Variants in KDM4A observed in about 807,000 individuals in gnomAD.
The protein encoded by KDM4A is lysine-specific demethylase 4A.
A neutral mutation model predicts 127.1 loss-of-function variants in KDM4A; 23 were observed. The ratio of observed to expected loss-of-function variants is 0.18; its 90% CI spans 0.13 to 0.26. KDM4A has a LOEUF of 0.26. KDM4A is among the 10% of genes least tolerant of loss of function. KDM4A has a pLI of 1.00. For synonymous variants in KDM4A, 443 were observed against 466.5 expected, an observed-to-expected ratio of 0.95 and a Z score of 0.65; for missense variants, 890 against 1,329.1, an observed-to-expected ratio of 0.67 and a Z score of 5.14.
intron 18 of KDM4A, among the ~76,000 whole-genome samples, 180 bp downstream of exon 18, chr1:43,695,074 A>G (rs1029551517): frequency 9.2e-5 from 14 of 152,248 alleles, no homozygotes; most frequent in African/African-American, 3.4e-4. Flanking sequence ...CTTGTACTCC[A>G]TAAGCCAGTG....
intron 10 of KDM4A, among the ~76,000 whole-genome samples, 184 bp downstream of exon 10, chr1:43,669,483 A>G (rs1570833299): frequency 2.0e-5 from 3 of 152,068 alleles, no homozygotes; most frequent in African/African-American, 7.2e-5. Context: ...ACACGTAGGG[A>G]AAAGCTCCTC....
At chr1:43,654,470 T>C (rs1450798738) in intron 2 of KDM4A, among the ~76,000 whole-genome samples, 1 of 152,068 alleles carries the variant, frequency 6.6e-6, no homozygotes, top group Non-Finnish European at 1.5e-5. Flanking sequence ...TTTTTTTTTT[T>C]CTTTTTTCCT....
chr1:43,662,076 A>AT (rs1205094189), intron 4 of KDM4A, among the ~76,000 whole-genome samples: 1 of 151,630 alleles, frequency 6.6e-6, no homozygotes, highest in East Asian at 1.9e-4. Flanking sequence ...TTAATTTGTA[A>AT]TTTTTTTGTA....
At chr1:43,685,188 C>A (rs1245535013) in intron 12 of KDM4A, among the ~76,000 whole-genome samples, 2 of 152,100 alleles carry the variant, frequency 1.3e-5, no homozygotes, top group African/African-American at 4.8e-5. Context: ...GCAGGGTAAG[C>A]AGCCATGTGT....
At chr1:43,690,504 TC>T (rs1661083492) in intron 13 of KDM4A, 2 of 361,752 alleles carry the variant, frequency 5.5e-6, no homozygotes, top group South Asian at 4.9e-5. Flanking sequence ...CGCCTCGGCC[TC>T]CCGAAGTGCT....
chr1:43,684,333 C>T (rs1271882663), intron 12 of KDM4A, among the ~76,000 whole-genome samples: 1 of 152,140 alleles, frequency 6.6e-6, no homozygotes, highest in African/African-American at 2.4e-5. Context: ...GAAACCCCAT[C>T]TCTACTAAAA....
Position 43,697,477 on chromosome 1 carries a change from C to G in KDM4A, c.2671-366C>G, listed in dbSNP as rs138948242. 1.3e-4 allele frequency among the ~76,000 whole-genome samples: 20 copies of G among 152,206 alleles called. 1 individual carries two copies. Among genetic ancestry groups the G allele is most frequent in the African/African-American group, 4.8e-4 (20 of 41,458 alleles). ...CAGCTTTGCCTGGCGGCCCAGGCCT[C>G]AGGGCACCTATTGAGTCTCTCCTTC... is the stretch of plus-strand genomic sequence containing the variant. On this transcript the variant is annotated intron_variant, in intron 18 of 21. Transcript: ENST00000372396.
At chr1:43,689,157 A>G in intron 13 of KDM4A, 62 bp downstream of exon 13, 2 of 1,534,806 alleles carry the variant, frequency 1.3e-6, no homozygotes, top group Non-Finnish European at 1.8e-6. Context: ...GCTAGATTTA[A>G]TTGTGAGTAT....
rs1182395271 is a variant in KDM4A, at chr1:43,655,765, A to G, written c.313A>G (p.Lys105Glu). Reference protein sequence around the residue: ...REFRKIANSDKYCTPRYSEFE... With the variant: ...REFRKIANSDEYCTPRYSEFE... Reference sequence around the variant, plus strand: ...GTTCCGCAAGATAGCCAATAGCGATAAGTGAGTGGAAACCCTTTCTTACCT... The same window carrying G: ...GTTCCGCAAGATAGCCAATAGCGATGAGTGAGTGGAAACCCTTTCTTACCT... Residue 105 changes from lysine to glutamate, a missense_variant and splice_region_variant, in exon 3 of 22, where the codon AAG (lysine) becomes GAG (glutamate). Lys to Glu is a moderately conservative substitution (Grantham distance 56). Coordinates refer to ENST00000372396, the MANE Select transcript of KDM4A (RefSeq NM_014663.3). The G allele has an allele frequency of 6.2e-7, 1 of 1,606,318 alleles. No individual in the cohort carries two copies. The highest frequency in any genetic ancestry group is 1.1e-5 in the South Asian group (1 of 90,008).
In KDM4A at chr1:43,667,078, A is replaced by G. The variant is rs759547621; in HGVS notation, c.902A>G (p.Lys301Arg). The change falls in exon 8 of 22, where the codon AAG becomes AGG. Residue 301 changes from lysine to arginine, a missense_variant. This residue lies in a region of KDM4A where 141 missense variants were observed against 273.5 expected (regional missense o/e 0.52). Coordinates refer to ENST00000372396, the MANE Select transcript of KDM4A (RefSeq NM_014663.3). Reference protein sequence around the residue: ...FATRRWIEYGKQAVLCSCRKD... With the variant: ...FATRRWIEYGRQAVLCSCRKD... Reference sequence around the variant, plus strand: ...ACCCGTCGGTGGATTGAGTACGGCAAGCAAGCTGTGCTGGTAAGTCTGCTT... The same window carrying G: ...ACCCGTCGGTGGATTGAGTACGGCAGGCAAGCTGTGCTGGTAAGTCTGCTT... 87 of 1,614,092 alleles carry G rather than the reference A, an allele frequency of 5.4e-5. No homozygotes were observed. Among genetic ancestry groups the G allele is most frequent in the Non-Finnish European group, 7.3e-5 (86 of 1,180,042 alleles).
chr1:43,651,974 G>T (rs1660123545), intron 1 of KDM4A, among the ~76,000 whole-genome samples: 1 of 152,206 alleles, frequency 6.6e-6, no homozygotes, highest in Admixed American at 6.5e-5. Flanking sequence ...AGTTTCAACA[G>T]AACAGTTTCA....
chr1:43,669,993 G>A (rs1226967993), intron 10 of KDM4A, among the ~76,000 whole-genome samples: 2 of 152,204 alleles, frequency 1.3e-5, no homozygotes, highest in Admixed American at 6.5e-5. Flanking sequence ...CCACTTGGGG[G>A]AACTGGTGGG....
At chr1:43,670,602 C>T (rs190776424) in intron 10 of KDM4A, among the ~76,000 whole-genome samples, 1 of 128,864 alleles carries the variant, frequency 7.8e-6, no homozygotes, top group East Asian at 2.4e-4. Context: ...CTCACTCTGT[C>T]TCCCAGGCTG....
At chr1:43,700,511 T>TTTTG (rs199923595) in intron 19 of KDM4A, among the ~76,000 whole-genome samples, 1 of 152,006 alleles carries the variant, frequency 6.6e-6, no homozygotes, top group Non-Finnish European at 1.5e-5. Context: ...TAACAACTTT[T>TTTTG]TTTGTTTGTT....
At chr1:43,673,091 C>T (rs1660664463) in intron 11 of KDM4A, among the ~76,000 whole-genome samples, 1 of 152,104 alleles carries the variant, frequency 6.6e-6, no homozygotes, top group Non-Finnish European at 1.5e-5. Flanking sequence ...AAAGCTGATT[C>T]CTGCTTTTGT....
At chr1:43,703,946 A>G (rs1661476018) in intron 20 of KDM4A, 74 bp from the exon 21 acceptor site, 2 of 1,377,554 alleles carry the variant, frequency 1.5e-6, no homozygotes, top group Admixed American at 3.4e-5. Flanking sequence ...ACTGTAGGGG[A>G]CTGCCACTGT....
At chr1:43,692,924 G>C (rs1260342197) in intron 16 of KDM4A, among the ~76,000 whole-genome samples, 1 of 152,200 alleles carries the variant, frequency 6.6e-6, no homozygotes, top group African/African-American at 2.4e-5. Context: ...TTCTGACCTG[G>C]AAGAGCTAGC....
At chr1:43,670,556 A>ATTTTT (rs35331772) in intron 10 of KDM4A, among the ~76,000 whole-genome samples, 8 of 76,160 alleles carry the variant, frequency 1.1e-4, no homozygotes, top group Admixed American at 3.0e-4. Context: ...CGCCTGGCTA[A>ATTTTT]TTTTTTTTTT....
chr1:43,700,886 C>G (rs74748792), intron 19 of KDM4A, among the ~76,000 whole-genome samples: 2,033 of 152,046 alleles, frequency 0.013, 51 homozygotes, highest in African/African-American at 0.047. Context: ...ACTGGCCTAT[C>G]GACAGCCTCC....
Sources: gnomAD v4.1 joint callset for allele counts (sites outside exome capture counted in the v4.1 genomes callset) on GRCh38, gnomAD v4.1.1 for gene constraint, gnomAD v4.1.1 regional missense constraint, MANE v1.5 for transcripts, NCBI Gene and HGNC (gene_info 2026-07-23, HGNC 2026-07-21) for gene names.